DISP1: variants seen among roughly 807,000 people sequenced by gnomAD.
The protein encoded by DISP1 is protein dispatched homolog 1.
In DISP1, 30 loss-of-function variants were observed where a neutral mutation model predicts 37.3. The observed-to-expected ratio is 0.80, with a 90% CI of 0.60 to 1.09. The LOEUF (loss-of-function observed/expected upper bound fraction) is 1.09, where lower values mean the gene tolerates loss of function less well. DISP1 is among the 50% of genes least tolerant of loss of function. DISP1 has a pLI of 0.00. For synonymous variants in DISP1, 634 were observed against 690.2 expected, an observed-to-expected ratio of 0.92 and a Z score of 1.28; for missense variants, 1,598 against 1,879.5, an observed-to-expected ratio of 0.85 and a Z score of 2.77.
At chr1:222,937,184 G>A (rs1167477332) in intron 2 of DISP1, among the ~76,000 whole-genome samples, 1 of 149,680 alleles carries the variant, frequency 6.7e-6, no homozygotes, top group Admixed American at 6.8e-5. Context: ...CCGCCTCCTG[G>A]GTTCACGCCA....
intron 3 of DISP1, among the ~76,000 whole-genome samples, chr1:222,952,112 C>T (rs952150968): frequency 4.6e-5 from 7 of 152,146 alleles, no homozygotes; most frequent in Non-Finnish European, 1.0e-4. Context: ...ATTGTTGACT[C>T]TCTGGAACTG....
At chr1:222,896,334 C>A (rs967629972) in intron 1 of DISP1, among the ~76,000 whole-genome samples, 2 of 151,454 alleles carry the variant, frequency 1.3e-5, no homozygotes, top group African/African-American at 4.9e-5. Flanking sequence ...GGCGCGGTGG[C>A]TCATGCCTGT....
intron 4 of DISP1, among the ~76,000 whole-genome samples, chr1:222,986,796 G>C (rs1010322020): frequency 4.6e-5 from 7 of 152,172 alleles, no homozygotes; most frequent in Admixed American, 6.5e-5. Flanking sequence ...TAGTACAGCA[G>C]TAGGGCCTCC....
intron 1 of DISP1, among the ~76,000 whole-genome samples, chr1:222,876,721 A>G (rs1399323317): frequency 6.6e-6 from 1 of 152,238 alleles, no homozygotes; most frequent in Admixed American, 6.5e-5. Context: ...TGCATTGTTT[A>G]TGAATACACA....
At chr1:222,923,341 A>C (rs1010078483) in intron 1 of DISP1, among the ~76,000 whole-genome samples, 6 of 152,184 alleles carry the variant, frequency 3.9e-5, no homozygotes, top group African/African-American at 1.4e-4. Context: ...ACTCTTGAGC[A>C]CTTGAAATGT....
rs570859956 is a variant in DISP1, at chr1:222,939,925, A to T, written c.-17-2882A>T. On this transcript the variant is annotated intron_variant, in intron 2 of 8. Coordinates refer to ENST00000675850, the MANE Select transcript of DISP1 (RefSeq NM_001377229.1). ...CGGATCACGAGGTCAGGAGATCGAG[A>T]CCATCCTGGCTAACACGGTGAGATC... 7.6e-4 allele frequency among the ~76,000 whole-genome samples: 116 copies of T among 152,084 alleles called. 1 individual carries two copies. Among genetic ancestry groups the T allele is most frequent in the Admixed American group, 1.3e-3 (20 of 15,278 alleles).
intron 1 of DISP1, among the ~76,000 whole-genome samples, chr1:222,868,775 A>G (rs1298533272): frequency 6.6e-6 from 1 of 152,162 alleles, no homozygotes; most frequent in Admixed American, 6.6e-5. Flanking sequence ...AAAGGAGCAT[A>G]TTGAAGCTAA....
intron 3 of DISP1, among the ~76,000 whole-genome samples, chr1:222,976,041 C>A (rs893920736): frequency 6.6e-6 from 1 of 152,050 alleles, no homozygotes; most frequent in African/African-American, 2.4e-5. Flanking sequence ...CAGAAAAAAA[C>A]GCTAAAAACC....
At chr1:222,878,041 G>A (rs953449195) in intron 1 of DISP1, among the ~76,000 whole-genome samples, 2 of 152,198 alleles carry the variant, frequency 1.3e-5, no homozygotes, top group Admixed American at 6.5e-5. Flanking sequence ...TCCCCATTGG[G>A]TAATTTGGGG....
chr1:222,942,761 T>A, intron 2 of DISP1, 46 bp from the exon 3 acceptor site: 1 of 1,607,352 alleles, frequency 6.2e-7, no homozygotes, highest in Non-Finnish European at 8.5e-7. Flanking sequence ...CCTACATATT[T>A]GCCTGCCTGA....
chr1:222,928,750 T>A (rs543155140), intron 2 of DISP1, among the ~76,000 whole-genome samples, 180 bp downstream of exon 2: 17 of 152,298 alleles, frequency 1.1e-4, no homozygotes, highest in African/African-American at 3.1e-4. Flanking sequence ...TTTAACACAT[T>A]AAAATCTTGT....
chr1:222,829,349 A>G (rs1320760090), intron 1 of DISP1, among the ~76,000 whole-genome samples: 2 of 152,178 alleles, frequency 1.3e-5, no homozygotes, highest in African/African-American at 4.8e-5. Flanking sequence ...ACATCTTTGT[A>G]TTGGAATTTT....
At chr1:222,880,386 A>G (rs868245280) in intron 1 of DISP1, among the ~76,000 whole-genome samples, 14 of 152,258 alleles carry the variant, frequency 9.2e-5, no homozygotes, top group African/African-American at 2.9e-4. Context: ...TTCAGTTTGC[A>G]TGTACTACTT....
chr1:222,882,502 C>A (rs1037990452), intron 1 of DISP1, among the ~76,000 whole-genome samples: 1 of 152,020 alleles, frequency 6.6e-6, no homozygotes, highest in African/African-American at 2.4e-5. Context: ...CTCTTCTCTG[C>A]GTTAGATTTA....
intron 1 of DISP1, among the ~76,000 whole-genome samples, chr1:222,904,331 T>C (rs1671778153): frequency 6.6e-6 from 1 of 152,206 alleles, no homozygotes; most frequent in South Asian, 2.1e-4. Flanking sequence ...GTCTTCGCTA[T>C]TACATCATAA....
At chr1:222,851,438 G>GT (rs1668227319) in intron 1 of DISP1, among the ~76,000 whole-genome samples, 1 of 152,116 alleles carries the variant, frequency 6.6e-6, no homozygotes, top group South Asian at 2.1e-4. Context: ...AATTTTATGA[G>GT]TTTAAGAACC....
chr1:223,001,187 G>A (rs1679417975), intron 8 of DISP1, among the ~76,000 whole-genome samples: 1 of 152,202 alleles, frequency 6.6e-6, no homozygotes, highest in South Asian at 2.1e-4. Flanking sequence ...CCTTCTCCAG[G>A]AATAGTGTTT....
At chr1:222,872,429 G>T (rs1669645403) in intron 1 of DISP1, 1 of 152,080 alleles carries the variant, frequency 6.6e-6, no homozygotes, top group African/African-American at 2.4e-5. Flanking sequence ...ACTTTTTTTG[G>T]TTGGTAAGCT....
chr1:222,995,850 G>A (rs190133557), intron 8 of DISP1, among the ~76,000 whole-genome samples: 75 of 152,224 alleles, frequency 4.9e-4, no homozygotes, highest in African/African-American at 1.8e-3. Flanking sequence ...ACCACCTCAT[G>A]CAATCACCTG....
Sources: gnomAD v4.1 joint callset for allele counts (sites outside exome capture counted in the v4.1 genomes callset) on GRCh38, gnomAD v4.1.1 for gene constraint, MANE v1.5 for transcripts, NCBI Gene and HGNC (gene_info 2026-07-23, HGNC 2026-07-21) for gene names.